Variants in DIAPH3 observed in about 807,000 individuals in gnomAD.
The protein encoded by DIAPH3 is diaphanous related formin 3.
DIAPH3 carries 117 observed loss-of-function variants against 144.3 expected under a neutral mutation model. The observed-to-expected ratio is 0.81, with a 90% confidence interval of 0.70 to 0.95. The LOEUF (loss-of-function observed/expected upper bound fraction) is 0.95, where lower values mean the gene tolerates loss of function less well. Ranked by LOEUF, DIAPH3 falls within the 40% of genes least tolerant of loss-of-function variation. DIAPH3 has a pLI of 0.00. For synonymous variants in DIAPH3, 519 were observed against 488.9 expected (o/e 1.06, Z -0.81); for missense variants, 1,421 against 1,412.7 (o/e 1.01, Z -0.09).
chr13:59,736,243 C>A (rs1179579059), intron 27 of DIAPH3, among the ~76,000 whole-genome samples: 1 of 152,158 alleles, frequency 6.6e-6, no homozygotes, highest in Non-Finnish European at 1.5e-5. Flanking sequence ...AAGAGTGCTG[C>A]AATGAACATA....
rs528338072 is a variant in DIAPH3 at position 60,045,618 on chromosome 13, G to C, written c.496-2798C>G. Among the ~76,000 whole-genome samples the C allele has an allele frequency of 7.9e-5, 12 of 152,152 alleles. No homozygotes were observed. In the South Asian group the frequency reaches 2.5e-3, roughly 32 times the overall value. On this transcript the variant is annotated intron_variant, in intron 4 of 27. Transcript: ENST00000400324. ...GCAAGTAGGTTGTTTACAATTTCTT[G>C]ATATCATAAATTTTTCAAGTTTCCT...
Position 59,916,391 on chromosome 13 carries a change from T to C in DIAPH3, c.2171-142A>G. The stretch of plus-strand genomic sequence containing the variant: ...TAATATTATGTTTGGGGGAAACATA[T>C]TATGGGGGAAACTTTCATTACTACA... On this transcript the variant is annotated intron_variant, in intron 18 of 27. Transcript: ENST00000400324. 5.8e-6 allele frequency: 4 copies of C among 687,664 alleles called. No homozygotes were observed. The South Asian group carries it at 6.7e-5, about 12-fold the overall frequency. The allele number at this position is 687,664 out of a possible 1,614,324, so 42.6% of individuals were successfully genotyped here. A position where few individuals can be genotyped will look rare whatever the true frequency, so the allele number is the denominator to read the frequency against.
At chr13:59,702,302 C>A (rs2034154936) in intron 27 of DIAPH3, among the ~76,000 whole-genome samples, 1 of 152,072 alleles carries the variant, frequency 6.6e-6, no homozygotes, top group Admixed American at 6.5e-5. Flanking sequence ...AGCCACTTGT[C>A]ATAAAAGAAA....
chr13:60,091,670 G>T (rs139570969), intron 4 of DIAPH3, among the ~76,000 whole-genome samples: 87 of 152,170 alleles, frequency 5.7e-4, no homozygotes, highest in South Asian at 2.7e-3. Context: ...TTTTACTGAT[G>T]TACTTTTCTC....
chr13:60,109,843 G>A (rs1027721493), intron 3 of DIAPH3, among the ~76,000 whole-genome samples: 1 of 152,188 alleles, frequency 6.6e-6, no homozygotes, highest in African/African-American at 2.4e-5. Flanking sequence ...AACGTAAGTT[G>A]TAAATGTAGT....
At chr13:59,984,242 T>C (rs1233358908) in intron 12 of DIAPH3, among the ~76,000 whole-genome samples, 1 of 151,686 alleles carries the variant, frequency 6.6e-6, no homozygotes, top group East Asian at 1.9e-4. Flanking sequence ...GAAATAGCTA[T>C]CATTAATTCA....
At chr13:60,106,566 C>T (rs1005935463) in intron 3 of DIAPH3, among the ~76,000 whole-genome samples, 1 of 152,054 alleles carries the variant, frequency 6.6e-6, no homozygotes, top group African/African-American at 2.4e-5. Context: ...CCCTTTCCCG[C>T]TAACAAAAGT....
At chr13:59,967,090 A>G (rs981933849) in intron 17 of DIAPH3, among the ~76,000 whole-genome samples, 1 of 152,030 alleles carries the variant, frequency 6.6e-6, no homozygotes, top group Middle Eastern at 3.2e-3. Flanking sequence ...TTTTTGAGAC[A>G]TAGTCTTACT....
chr13:59,962,601 C>T (rs943405138), intron 17 of DIAPH3, among the ~76,000 whole-genome samples: 3 of 152,128 alleles, frequency 2.0e-5, no homozygotes, highest in African/African-American at 7.2e-5. Context: ...GAGGGACTCC[C>T]CTCACAGGCA....
At chr13:59,904,078 G>T (rs979925713) in intron 20 of DIAPH3, among the ~76,000 whole-genome samples, 1 of 152,208 alleles carries the variant, frequency 6.6e-6, no homozygotes, top group Non-Finnish European at 1.5e-5. Context: ...GTTAGGGAAA[G>T]CTCCCCAAAG....
intron 4 of DIAPH3, among the ~76,000 whole-genome samples, chr13:60,089,930 CTT>C (rs1371236464): frequency 3.3e-5 from 5 of 152,170 alleles, no homozygotes; most frequent in African/African-American, 1.2e-4. Context: ...TATCAGGACT[CTT>C]TAACAGCGGC....
At chr13:60,082,977 A>G (rs2057611967) in intron 4 of DIAPH3, among the ~76,000 whole-genome samples, 1 of 152,094 alleles carries the variant, frequency 6.6e-6, no homozygotes, top group Admixed American at 6.6e-5. Flanking sequence ...CTATTTCTCC[A>G]CTAAAAACAG....
chr13:59,742,043 G>A (rs1490135838), intron 27 of DIAPH3, among the ~76,000 whole-genome samples: 2 of 152,000 alleles, frequency 1.3e-5, no homozygotes, highest in Admixed American at 1.3e-4. Context: ...GGAGAAGGAA[G>A]AGCAAAGAGA....
intron 24 of DIAPH3, among the ~76,000 whole-genome samples, chr13:59,824,635 C>T (rs543584478): frequency 4.6e-5 from 7 of 152,156 alleles, no homozygotes; most frequent in East Asian, 1.9e-4. Flanking sequence ...AATTAAGTTA[C>T]GGGAGAAAGA....
chr13:59,885,641 A>C (rs2140094926), intron 20 of DIAPH3, among the ~76,000 whole-genome samples: 1 of 152,156 alleles, frequency 6.6e-6, no homozygotes, highest in African/African-American at 2.4e-5. Context: ...ACAGAGACCC[A>C]CAAAAGGTAT....
intron 27 of DIAPH3, among the ~76,000 whole-genome samples, chr13:59,679,378 T>A (rs1159883666): frequency 6.6e-6 from 1 of 152,122 alleles, no homozygotes; most frequent in Non-Finnish European, 1.5e-5. Flanking sequence ...CCTCTTTCCC[T>A]TTACTGCTGT....
At chr13:59,715,414 G>T (rs977097650) in intron 27 of DIAPH3, among the ~76,000 whole-genome samples, 1 of 152,200 alleles carries the variant, frequency 6.6e-6, no homozygotes, top group Non-Finnish European at 1.5e-5. Context: ...TGAGGAAAGA[G>T]ATGACTAGAA....
chr13:59,784,144 G>A (rs961024697), intron 25 of DIAPH3, among the ~76,000 whole-genome samples: 2 of 152,002 alleles, frequency 1.3e-5, no homozygotes, highest in African/African-American at 2.4e-5. Flanking sequence ...GTGCAGTGGC[G>A]CGATCTCGGC....
At chr13:59,760,363 TAAC>T (rs947801860) in intron 27 of DIAPH3, among the ~76,000 whole-genome samples, 1 of 152,220 alleles carries the variant, frequency 6.6e-6, no homozygotes, top group Non-Finnish European at 1.5e-5. Context: ...AATATCAACT[TAAC>T]AACTCTTCAG....
Sources: allele counts gnomAD v4.1 joint callset (sites outside exome capture counted in the v4.1 genomes callset), GRCh38; gene constraint gnomAD v4.1.1; transcripts MANE v1.5; gene names NCBI Gene and HGNC (gene_info 2026-07-23, HGNC 2026-07-21).